The following FOXP1 variants were observed in gnomAD, a reference collection of about 807,000 sequenced individuals.
FOXP1 encodes the protein forkhead box protein P1.
FOXP1 carries 15 observed loss-of-function variants against 98.2 expected under a neutral mutation model. That is an observed-to-expected ratio of 0.15 (90% confidence interval 0.10 to 0.24). The LOEUF (loss-of-function observed/expected upper bound fraction) is 0.24. Ranked by LOEUF, FOXP1 falls within the 10% of genes least tolerant of loss-of-function variation. The probability of loss-of-function intolerance (pLI) is 1.00; values close to 1 mark genes in which losing one functional copy is unlikely to be tolerated. For missense variants in FOXP1, 633 were observed against 848.5 expected, an observed-to-expected ratio of 0.75 and a Z score of 3.15; for synonymous variants, 371 against 314.5, an observed-to-expected ratio of 1.18 and a Z score of -1.90.
chr3:71,296,163 A>C (rs1294220055), intron 5 of FOXP1: 1 of 152,212 alleles, frequency 6.6e-6, no homozygotes, highest in East Asian at 1.9e-4. Flanking sequence ...ATAATCAGTT[A>C]TTCCCATAGT....
chr3:71,430,628 A>G (rs1195207808), intron 3 of FOXP1, among the ~76,000 whole-genome samples: 2 of 152,210 alleles, frequency 1.3e-5, no homozygotes, highest in African/African-American at 4.8e-5. Flanking sequence ...ATTTAAAACA[A>G]CATTGAATTT....
At position 71,262,264 on chromosome 3, in the gene FOXP1, C is replaced by CAAAAAAAA; in HGVS notation, c.-12+37548_-12+37555dup. Among the ~76,000 whole-genome samples, 27 of 25,714 alleles carry CAAAAAAAA rather than the reference C, an allele frequency of 1.1e-3. 4 individuals are homozygous for CAAAAAAAA. The highest frequency in any genetic ancestry group is 1.2e-3 in the African/African-American group (9 of 7,426). The allele number at this position is 25,714 out of a possible 152,430, so 16.9% of individuals were successfully genotyped here. ...CTGGCAACAGGACAAGACTCTGTCA[C>CAAAAAAAA]AAAAAAAAAAAAAAAAAAAAAAAAA... On this transcript the variant is annotated intron_variant, in intron 5 of 20. Coordinates refer to ENST00000649528, the MANE Select transcript of FOXP1 (RefSeq NM_001349338.3).
At chr3:71,555,335 T>C (rs145744277) in intron 2 of FOXP1, among the ~76,000 whole-genome samples, 88 of 152,272 alleles carry the variant, frequency 5.8e-4, no homozygotes, top group African/African-American at 2.0e-3. Flanking sequence ...GAGGTGTTCA[T>C]AATGGTGTGC....
At chr3:71,265,637 C>A (rs564404237) in intron 5 of FOXP1, among the ~76,000 whole-genome samples, 2 of 152,162 alleles carry the variant, frequency 1.3e-5, no homozygotes, top group African/African-American at 2.4e-5. Context: ...TGCAACACGG[C>A]GGAAAATGTG....
chr3:71,031,157 C>G (rs976780402), intron 11 of FOXP1, among the ~76,000 whole-genome samples: 1 of 152,174 alleles, frequency 6.6e-6, no homozygotes, highest in South Asian at 2.1e-4. Flanking sequence ...TCTTCAAACA[C>G]TCAACATTCA....
intron 6 of FOXP1, among the ~76,000 whole-genome samples, chr3:71,169,021 G>A (rs1344382382): frequency 6.6e-6 from 1 of 152,206 alleles, no homozygotes; most frequent in Non-Finnish European, 1.5e-5. Flanking sequence ...AAGTGAAGAT[G>A]AGCTCTTTTT....
rs182377333 is a variant in FOXP1 at position 71,308,813 on chromosome 3, G to T, written c.-72-8933C>A. 7.2e-3 allele frequency among the ~76,000 whole-genome samples: 1,047 copies of T among 145,946 alleles called. 33 individuals are homozygous for T. The highest frequency in any genetic ancestry group is 4.7e-3 in the Non-Finnish European group (313 of 66,402). The stretch of plus-strand genomic sequence containing the variant: ...TGTGTGTGTGTGTGTGTGTGGGTGA[G>T]GGGGGACAGCTCCAAAGCAACTCTT... On this transcript the variant is annotated intron_variant, in intron 4 of 20. Coordinates refer to ENST00000649528, the MANE Select transcript of FOXP1 (RefSeq NM_001349338.3).
At chr3:71,172,301 G>C (rs2061691241) in intron 6 of FOXP1, among the ~76,000 whole-genome samples, 1 of 152,202 alleles carries the variant, frequency 6.6e-6, no homozygotes, top group South Asian at 2.1e-4. Context: ...TGTTGGTTAT[G>C]TGCAGAATTA....
At chr3:71,154,878 TG>T (rs1351257570) in intron 6 of FOXP1, among the ~76,000 whole-genome samples, 2 of 152,214 alleles carry the variant, frequency 1.3e-5, no homozygotes, top group Non-Finnish European at 2.9e-5. Context: ...GTGGGTTGTT[TG>T]TTTTTTTAAC....
chr3:71,259,912 C>G (rs887213240), intron 5 of FOXP1, among the ~76,000 whole-genome samples: 15 of 152,024 alleles, frequency 9.9e-5, no homozygotes, highest in African/African-American at 3.1e-4. Flanking sequence ...GGAGGCTCAG[C>G]GTGGTACCCA....
chr3:71,023,651 C>T (rs1317725551), intron 11 of FOXP1, among the ~76,000 whole-genome samples: 1 of 152,158 alleles, frequency 6.6e-6, no homozygotes, highest in African/African-American at 2.4e-5. Context: ...GTTATCATAG[C>T]TTACTTTCAA....
chr3:70,969,082 A>G (rs2035606999), intron 19 of FOXP1: 1 of 151,988 alleles, frequency 6.6e-6, no homozygotes, highest in African/African-American at 2.4e-5. Context: ...AATTGAAATT[A>G]GTCACATAGT....
chr3:71,134,742 T>G (rs913960250), intron 6 of FOXP1, among the ~76,000 whole-genome samples: 2 of 152,082 alleles, frequency 1.3e-5, no homozygotes, highest in South Asian at 2.1e-4. Context: ...CTTCTGATGA[T>G]GAAATACAAA....
chr3:71,422,791 CTT>C (rs1024902097), intron 3 of FOXP1, among the ~76,000 whole-genome samples: 1 of 152,160 alleles, frequency 6.6e-6, no homozygotes, highest in Non-Finnish European at 1.5e-5. Flanking sequence ...TGCCCTCTCT[CTT>C]GGCTGTGTAA....
chr3:71,496,948 T>C (rs1422595625), intron 2 of FOXP1, among the ~76,000 whole-genome samples: 1 of 117,456 alleles, frequency 8.5e-6, no homozygotes, highest in Non-Finnish European at 2.0e-5. Flanking sequence ...GAATCACCAC[T>C]GTGGTGTGTG....
At chr3:71,425,592 G>A (rs2084086360) in intron 3 of FOXP1, among the ~76,000 whole-genome samples, 1 of 152,016 alleles carries the variant, frequency 6.6e-6, no homozygotes, top group African/African-American at 2.4e-5. Context: ...CAAAATAAAT[G>A]CTTAATAAGT....
intron 6 of FOXP1, among the ~76,000 whole-genome samples, chr3:71,167,157 T>C (rs1486587407): frequency 6.6e-6 from 1 of 151,950 alleles, no homozygotes; most frequent in African/African-American, 2.4e-5. Context: ...TGTTATTATG[T>C]GGAACTGAGC....
chr3:71,402,030 C>T (rs1379071643), intron 3 of FOXP1, among the ~76,000 whole-genome samples: 3 of 152,208 alleles, frequency 2.0e-5, no homozygotes, highest in Non-Finnish European at 4.4e-5. Context: ...ATCTTCCTCA[C>T]TGGAGTTGTG....
At chr3:71,072,308 A>G (rs1224383458) in intron 7 of FOXP1, among the ~76,000 whole-genome samples, 2 of 152,222 alleles carry the variant, frequency 1.3e-5, no homozygotes, top group Admixed American at 6.5e-5. Context: ...CCTGGGCAAC[A>G]AGAATGAGAC....
Sources: gnomAD v4.1 joint callset for allele counts (sites outside exome capture counted in the v4.1 genomes callset) on GRCh38, gnomAD v4.1.1 for gene constraint, MANE v1.5 for transcripts, NCBI Gene and HGNC (gene_info 2026-07-23, HGNC 2026-07-21) for gene names.